ARHGEF28: variants seen among roughly 807,000 people sequenced by gnomAD.
The protein encoded by ARHGEF28 is 190 kDa guanine nucleotide exchange factor.
In ARHGEF28, 152 loss-of-function variants were observed where a neutral mutation model predicts 206.6. The observed-to-expected ratio is 0.74, with a 90% CI of 0.64 to 0.84. The LOEUF (loss-of-function observed/expected upper bound fraction) is 0.84. Among genes scored for constraint, ARHGEF28 ranks in the 40% least tolerant of loss-of-function variants. The pLI, the probability that ARHGEF28 is intolerant of heterozygous loss-of-function variation, is 0.00. For synonymous variants in ARHGEF28, 763 were observed against 776.4 expected (o/e 0.98, Z 0.29); for missense variants, 2,028 against 2,073.2 (o/e 0.98, Z 0.42).
rs796873466 is a variant in ARHGEF28 at position 73,801,169 on chromosome 5, G to A, written c.1024+5778G>A. 4.6e-5 allele frequency among the ~76,000 whole-genome samples: 7 copies of A among 152,186 alleles called. No homozygotes were observed. The South Asian group carries it at 1.2e-3, about 27-fold the overall frequency. ...GATGTTTTTAAAGAGGATCTTGGCC[G>A]GGCGCGGGGGCTCACGCCTGTAATC... is the stretch of plus-strand genomic sequence containing the variant. On this transcript the variant is annotated intron_variant, in intron 9 of 35. Transcript: ENST00000513042.
At chr5:73,680,672 AT>A (rs1747029121) in intron 1 of ARHGEF28, among the ~76,000 whole-genome samples, 1 of 151,966 alleles carries the variant, frequency 6.6e-6, no homozygotes, top group Non-Finnish European at 1.5e-5. Flanking sequence ...GAAGTAAAAA[AT>A]AAAAATTAAA....
intron 9 of ARHGEF28, among the ~76,000 whole-genome samples, chr5:73,804,082 CAAAAAAAAAA>C (rs35722039): frequency 1.6e-5 from 1 of 64,314 alleles, no homozygotes; most frequent in African/African-American, 6.9e-5. Flanking sequence ...GAGACCCTGT[CAAAAAAAAAA>C]AAAAAAAAAA....
At chr5:73,900,981 T>G in intron 30 of ARHGEF28, 1 of 488,322 alleles carries the variant, frequency 2.0e-6, no homozygotes, top group Non-Finnish European at 3.8e-6. Flanking sequence ...TTGCTGTCTG[T>G]TAGCGTGTAA....
chr5:73,926,428 A>G (rs557102569), intron 35 of ARHGEF28, among the ~76,000 whole-genome samples: 138 of 151,986 alleles, frequency 9.1e-4, no homozygotes, highest in African/African-American at 3.1e-3. Context: ...AGCTGAGCTC[A>G]CCTCCTGCAG....
intron 1 of ARHGEF28, among the ~76,000 whole-genome samples, chr5:73,642,791 G>T (rs1390015628): frequency 6.6e-6 from 1 of 152,126 alleles, no homozygotes; most frequent in African/African-American, 2.4e-5. Context: ...ACTGATTTTA[G>T]TTAGTTGGTT....
chr5:73,841,317 A>T (rs1757974378), intron 11 of ARHGEF28, among the ~76,000 whole-genome samples: 1 of 152,218 alleles, frequency 6.6e-6, no homozygotes, highest in African/African-American at 2.4e-5. Flanking sequence ...AAGGAACAAA[A>T]AAAGCCCCAA....
At chr5:73,762,412 C>T (rs1338331395) in intron 4 of ARHGEF28, among the ~76,000 whole-genome samples, 1 of 142,884 alleles carries the variant, frequency 7.0e-6, no homozygotes, top group Non-Finnish European at 1.5e-5. Context: ...GCCAAGATCA[C>T]ACCACTGCAC....
chr5:73,751,048 G>A (rs1388434618), intron 3 of ARHGEF28, among the ~76,000 whole-genome samples: 5 of 152,104 alleles, frequency 3.3e-5, no homozygotes, highest in African/African-American at 7.2e-5. Flanking sequence ...TGAGACCATC[G>A]GCAATTTTAA....
At chr5:73,890,128 G>C (rs1408687904) in intron 26 of ARHGEF28, among the ~76,000 whole-genome samples, 1 of 152,184 alleles carries the variant, frequency 6.6e-6, no homozygotes, top group Non-Finnish European at 1.5e-5. Flanking sequence ...TTCATCTCCA[G>C]TGTTTGTGCG....
In ARHGEF28 at chr5:73,667,699, G is replaced by A. The variant is rs376677439; in HGVS notation, c.-11-17142G>A. ...TGAGAGTTTCCCAAACCTTTATGTT[G>A]TATGTTCCTTTTAATTATAAATTTC... On this transcript the variant is annotated intron_variant, in intron 1 of 35. Transcript: ENST00000513042. Among the ~76,000 whole-genome samples the A allele has an allele frequency of 1.2e-3, 181 of 152,154 alleles. 1 individual carries two copies. The highest frequency in any genetic ancestry group is 4.3e-3 in the African/African-American group (178 of 41,514).
intron 29 of ARHGEF28, 143 bp from the exon 30 acceptor site, chr5:73,897,819 C>A: frequency 1.1e-6 from 1 of 943,520 alleles, no homozygotes; most frequent in Non-Finnish European, 1.5e-6. Flanking sequence ...TTTTGACAAC[C>A]TTTAAAAATG....
chr5:73,898,596 C>G (rs1471050596), intron 30 of ARHGEF28: 1 of 152,796 alleles, frequency 6.5e-6, no homozygotes, highest in Non-Finnish European at 1.5e-5. Context: ...CTCTCACACA[C>G]ACGAAGTTTG....
chr5:73,735,261 AATTT>A (rs1364551959), intron 2 of ARHGEF28, among the ~76,000 whole-genome samples: 21 of 151,600 alleles, frequency 1.4e-4, no homozygotes, highest in Middle Eastern at 3.4e-3. Context: ...ATTAAATTAA[AATTT>A]ATTTATTTAT....
At position 73,911,539 on chromosome 5, in the gene ARHGEF28, C is replaced by T. The variant is rs1410970136; in HGVS notation, c.4912C>T (p.Pro1638Ser). The part of the protein sequence containing the change: ...TAAGSGHQIL[P>S]FHESSKDSCK... ...CGCTGGTTCCGGCCATCAGATACTT[C>T]CTTTCCATGAAAGCAGCAAGGATTC... is the stretch of plus-strand genomic sequence containing the variant. The change falls in exon 35 of 36, where the codon CCT (proline) becomes TCT (serine). Residue 1638 changes from proline to serine, a missense_variant. By Grantham distance (74) the Pro-to-Ser change is moderately conservative. Transcript: ENST00000513042. The T allele has an allele frequency of 6.2e-7, 1 of 1,611,464 alleles. No homozygotes were observed. The highest frequency in any genetic ancestry group is 1.7e-5 in the Admixed American group (1 of 59,650).
chr5:73,734,461 T>C (rs1286708077), intron 2 of ARHGEF28, among the ~76,000 whole-genome samples: 1 of 152,142 alleles, frequency 6.6e-6, no homozygotes, highest in Non-Finnish European at 1.5e-5. Context: ...GACACACTTC[T>C]AGGCAAATGT....
intron 9 of ARHGEF28, among the ~76,000 whole-genome samples, chr5:73,805,242 G>A (rs970769278): frequency 6.6e-6 from 1 of 151,938 alleles, no homozygotes; most frequent in African/African-American, 2.4e-5. Flanking sequence ...TTGAATTGTA[G>A]GTACACAACA....
intron 2 of ARHGEF28, among the ~76,000 whole-genome samples, chr5:73,720,598 C>T (rs916708662): frequency 5.3e-5 from 8 of 152,010 alleles, no homozygotes; most frequent in African/African-American, 1.9e-4. Flanking sequence ...TGGTAAAATT[C>T]GACAAGTTGG....
At chr5:73,900,284 CAG>C (rs1762187259) in intron 30 of ARHGEF28, 1 of 152,088 alleles carries the variant, frequency 6.6e-6, no homozygotes, top group Non-Finnish European at 1.5e-5. Context: ...TACAAACAAA[CAG>C]TGTCATAAAG....
At chr5:73,712,149 G>T (rs1233245394) in intron 2 of ARHGEF28, among the ~76,000 whole-genome samples, 3 of 151,922 alleles carry the variant, frequency 2.0e-5, no homozygotes, top group African/African-American at 7.3e-5. Flanking sequence ...TGGTTGTGAT[G>T]TATTATCTTT....
Sources: allele counts gnomAD v4.1 joint callset (sites outside exome capture counted in the v4.1 genomes callset), GRCh38; gene constraint gnomAD v4.1.1; transcripts MANE v1.5; gene names NCBI Gene and HGNC (gene_info 2026-07-23, HGNC 2026-07-21).